EXD3: variants seen among roughly 807,000 people sequenced by gnomAD.
EXD3 encodes the protein exonuclease mut-7 homolog.
Under a neutral mutation model 98.0 loss-of-function variants are expected in EXD3, and 92 were observed. That is an observed-to-expected ratio of 0.94 (90% CI 0.79 to 1.12). EXD3 has a LOEUF of 1.12. EXD3 is among the 50% of genes most tolerant of loss of function. EXD3 has a pLI of 0.00. For synonymous variants in EXD3, 569 were observed against 526.0 expected (o/e 1.08, Z -1.12); for missense variants, 1,222 against 1,191.6 (o/e 1.03, Z -0.38).
chr9:137,410,011 C>A (rs531446790), intron 1 of EXD3, among the ~76,000 whole-genome samples: 2 of 152,032 alleles, frequency 1.3e-5, no homozygotes, highest in Admixed American at 1.3e-4. Context: ...CCTGTCTCTA[C>A]TAAAAATACA....
At chr9:137,322,451 CG>C (rs1564470015) in intron 19 of EXD3, among the ~76,000 whole-genome samples, 44 of 73,278 alleles carry the variant, frequency 6.0e-4, no homozygotes, top group East Asian at 5.4e-3. Flanking sequence ...CCCGGACCCA[CG>C]AGGGATGCTC....
intron 2 of EXD3, among the ~76,000 whole-genome samples, chr9:137,391,282 C>T (rs1487709977): frequency 6.6e-6 from 1 of 152,252 alleles, no homozygotes; most frequent in East Asian, 1.9e-4. Context: ...CCTGCGGGCC[C>T]TGCCCTGTTC....
At chr9:137,375,868 A>G (rs1322483277) in intron 3 of EXD3, among the ~76,000 whole-genome samples, 1 of 152,218 alleles carries the variant, frequency 6.6e-6, no homozygotes, top group Non-Finnish European at 1.5e-5. Flanking sequence ...CACACAAGGA[A>G]GCAAGCCACC....
chr9:137,413,269 T>C (rs7390125), intron 1 of EXD3, among the ~76,000 whole-genome samples: 108,013 of 151,626 alleles, frequency 0.71, 38,949 homozygotes, highest in African/African-American at 0.82. Context: ...GGCGTGATCT[T>C]GGCTCACTGC....
chr9:137,381,922 G>A (rs1481783804), intron 3 of EXD3, among the ~76,000 whole-genome samples: 2 of 152,154 alleles, frequency 1.3e-5, no homozygotes, highest in African/African-American at 2.4e-5. Context: ...TGATGGAGGC[G>A]CGAGGAGGAG....
At chr9:137,377,592 G>T (rs1221167949) in intron 3 of EXD3, among the ~76,000 whole-genome samples, 2 of 150,962 alleles carry the variant, frequency 1.3e-5, no homozygotes, top group African/African-American at 4.9e-5. Flanking sequence ...GTGCTGATGC[G>T]CACCTTTAAT....
At chr9:137,422,108 TTC>T (rs1472175586) in intron 1 of EXD3, among the ~76,000 whole-genome samples, 1 of 133,966 alleles carries the variant, frequency 7.5e-6, no homozygotes, top group Admixed American at 7.5e-5. Flanking sequence ...GTTTGTGGTG[TTC>T]TTAAAAAAAA....
intron 8 of EXD3, 126 bp downstream of exon 8, chr9:137,356,142 C>G: frequency 1.4e-6 from 1 of 691,182 alleles, no homozygotes; most frequent in Non-Finnish European, 2.5e-6. Flanking sequence ...CAGGGAGGGG[C>G]TCTCTGGGAA....
chr9:137,312,895 A>G (rs1016866395), intron 19 of EXD3, among the ~76,000 whole-genome samples: 3 of 151,854 alleles, frequency 2.0e-5, no homozygotes. Flanking sequence ...TGCCCACCTG[A>G]CCTGACCTGG....
intron 20 of EXD3, among the ~76,000 whole-genome samples, chr9:137,308,946 G>A (rs1831212271): frequency 6.6e-6 from 1 of 152,114 alleles, no homozygotes; most frequent in South Asian, 2.1e-4. Context: ...CGCCCAGCCT[G>A]GACTGACCTC....
intron 3 of EXD3, among the ~76,000 whole-genome samples, chr9:137,380,007 C>T (rs11516133): frequency 0.098 from 14,934 of 151,828 alleles, 715 homozygotes; most frequent in African/African-American, 0.11. Flanking sequence ...CCCGTTGTTC[C>T]GGGAGACTTC....
chr9:137,325,490 T>C (rs1041112817), intron 17 of EXD3, among the ~76,000 whole-genome samples: 1 of 152,048 alleles, frequency 6.6e-6, no homozygotes, highest in Non-Finnish European at 1.5e-5. Context: ...TGGAGTGCAG[T>C]GGCACAATCT....
chr9:137,378,244 T>G (rs1564527105), intron 3 of EXD3, among the ~76,000 whole-genome samples: 1 of 152,104 alleles, frequency 6.6e-6, no homozygotes, highest in East Asian at 1.9e-4. Flanking sequence ...AGTCTCACTC[T>G]GTCGTCCAGG....
chr9:137,317,183 G>A (rs1182317096), intron 19 of EXD3, among the ~76,000 whole-genome samples: 2 of 152,142 alleles, frequency 1.3e-5, no homozygotes. Flanking sequence ...GCGGGCAGGG[G>A]AGGCGGCCCC....
chr9:137,386,768 GC>G (rs1836613020), intron 2 of EXD3, among the ~76,000 whole-genome samples: 2 of 146,856 alleles, frequency 1.4e-5, no homozygotes, highest in African/African-American at 5.0e-5. Context: ...CAGCACCCCT[GC>G]TCCCTGCCTG....
chr9:137,323,691 C>A, intron 19 of EXD3, 34 bp downstream of exon 19: 1 of 1,605,016 alleles, frequency 6.2e-7, no homozygotes, highest in South Asian at 1.1e-5. Context: ...GATCTTGTGC[C>A]AGCCCCAGGT....
rs1588247986 is a variant in EXD3, at chr9:137,324,002, A to T, written c.2052+88T>A. 6.5e-7 allele frequency: 1 copy of T among 1,532,986 alleles called. No individual in the cohort carries two copies. Among genetic ancestry groups the T allele is most frequent in the African/African-American group, 1.4e-5 (1 of 72,846 alleles). The allele number at this position is 1,532,986 out of a possible 1,614,324, so 95.0% of individuals were successfully genotyped here. ...GGCGCTGGGGGTCGGCCCCACGGCAAGCTGACCCTGAGGTGGGGGTGGCCG... is the reference window on the plus strand; with the variant it reads ...GGCGCTGGGGGTCGGCCCCACGGCATGCTGACCCTGAGGTGGGGGTGGCCG... On this transcript the variant is annotated intron_variant, in intron 18 of 21. Coordinates refer to ENST00000340951, the MANE Select transcript of EXD3 (RefSeq NM_017820.5). The surrounding 1 kb of genome is among the most constrained non-coding windows in gnomAD (Gnocchi z 4.1).
At chr9:137,384,891 A>G (rs935435512) in intron 2 of EXD3, among the ~76,000 whole-genome samples, 6 of 151,962 alleles carry the variant, frequency 3.9e-5, no homozygotes, top group African/African-American at 1.4e-4. Flanking sequence ...CAGGAGTTCG[A>G]GACCAGCCTG....
chr9:137,371,350 G>A lies in EXD3; in HGVS notation c.462+1555C>T, dbSNP rs963175066. 2.6e-5 allele frequency among the ~76,000 whole-genome samples: 4 copies of A among 152,176 alleles called. No individual in the cohort carries two copies. The highest frequency in any genetic ancestry group is 7.2e-5 in the African/African-American group (3 of 41,442). On this transcript the variant is annotated intron_variant, in intron 5 of 21. Transcript: ENST00000340951. The surrounding 1 kb of genome is among the most constrained non-coding windows in gnomAD (Gnocchi z 8.0). ...GCACCCGCCGCGAGACGACGGCCCC[G>A]GGCGTGGCAGGTGACAGCGCCAGGG... is the stretch of plus-strand genomic sequence containing the variant.
Sources: gnomAD v4.1 joint callset for allele counts (sites outside exome capture counted in the v4.1 genomes callset) on GRCh38, gnomAD v4.1.1 for gene constraint, Gnocchi (gnomAD v3.1) non-coding constraint, MANE v1.5 for transcripts, NCBI Gene and HGNC (gene_info 2026-07-23, HGNC 2026-07-21) for gene names.